The following PKM variants were observed in gnomAD, a reference collection of about 807,000 sequenced individuals.
The protein encoded by PKM is pyruvate kinase M1/2.
PKM carries 18 observed loss-of-function variants against 49.8 expected under a neutral mutation model. The ratio of observed to expected loss-of-function variants is 0.36; its 90% CI spans 0.25 to 0.54. The LOEUF (loss-of-function observed/expected upper bound fraction) is 0.54, where lower values mean the gene tolerates loss of function less well. Ranked by LOEUF, PKM falls within the 20% of genes least tolerant of loss-of-function variation. PKM has a pLI of 0.89. For missense variants in PKM, 508 were observed against 713.8 expected, an observed-to-expected ratio of 0.71 and a Z score of 3.28; for synonymous variants, 239 against 261.8, an observed-to-expected ratio of 0.91 and a Z score of 0.84.
In PKM at chr15:72,199,111, G is replaced by T. The variant is rs2081862029; in HGVS notation, c.*539C>A. On this transcript the variant is annotated 3_prime_UTR_variant, in exon 11 of 11. Transcript: ENST00000335181. The stretch of plus-strand genomic sequence containing the variant: ...GGTGCTGCAGTAGTGGGGGAAAATG[G>T]AAGGTGGAGGGTGGAGTGTTTGCTG... 3.5e-6 allele frequency: 1 copy of T among 285,902 alleles called. No homozygotes were observed. Among genetic ancestry groups the T allele is most frequent in the African/African-American group, 2.2e-5 (1 of 45,060 alleles). 17.7% of individuals were successfully genotyped at this position (285,902 alleles called of 1,614,324 possible). A position where few individuals can be genotyped will look rare whatever the true frequency, so the allele number is the denominator to read the frequency against.
rs879255367 is a variant in PKM at position 72,208,664 on chromosome 15, T to C, written c.793A>G (p.Ile265Val). The C allele has an allele frequency of 1.2e-6, 2 of 1,614,140 alleles. No homozygotes were observed. Among genetic ancestry groups the C allele is most frequent in the Non-Finnish European group, 8.5e-7 (1 of 1,180,020 alleles). The change falls in exon 6 of 11, where the codon ATC (isoleucine) becomes GTC (valine). Residue 265 changes from isoleucine (I) to valine (V), a missense_variant. Ile to Val is a conservative substitution (Grantham distance 29). Coordinates refer to ENST00000335181, the MANE Select transcript of PKM (RefSeq NM_002654.6). ...TTCTCGATTTTGCTGATAATCTTGA[T>C]GTTCTTTCCCTTCTCTCCCAGGACC... ...RKVLGEKGKN[I>V]KIISKIENHE...
chr15:72,221,196 T>G (rs2140765098), intron 1 of PKM: 1 of 1,535,130 alleles, frequency 6.5e-7, no homozygotes, highest in Non-Finnish European at 8.7e-7. Flanking sequence ...GGGCTTCCGG[T>G]GACATAATGC....
intron 1 of PKM, chr15:72,228,594 C>G (rs907518233): frequency 7.9e-7 from 1 of 1,265,394 alleles, no homozygotes; most frequent in Middle Eastern, 2.1e-4. Context: ...AGATAATTCT[C>G]TCAAAAGCAG....
chr15:72,210,122 T>G, intron 4 of PKM: 1 of 648,316 alleles, frequency 1.5e-6, no homozygotes, highest in Non-Finnish European at 2.6e-6. Context: ...AAAGTTTAGG[T>G]TTTTAGGGTA....
At chr15:72,221,320 A>G (rs1274372034) in intron 1 of PKM, 1 of 1,316,986 alleles carries the variant, frequency 7.6e-7, no homozygotes, top group Non-Finnish European at 1.0e-6. Context: ...GAGTGTAACT[A>G]AAGCTCTTTG....
chr15:72,222,904 C>T (rs2082562550), intron 1 of PKM, among the ~76,000 whole-genome samples: 1 of 152,050 alleles, frequency 6.6e-6, no homozygotes, highest in South Asian at 2.1e-4. Flanking sequence ...TCAGACAGCT[C>T]CTGGCTTTTT....
intron 8 of PKM, chr15:72,206,152 C>CA (rs1261723795): frequency 6.4e-6 from 1 of 157,140 alleles, no homozygotes; most frequent in Non-Finnish European, 1.4e-5. Flanking sequence ...AATGGCACAG[C>CA]AAAGCAAATC....
At chr15:72,212,318 T>C (rs952282961) in intron 3 of PKM, among the ~76,000 whole-genome samples, 2 of 151,852 alleles carry the variant, frequency 1.3e-5, no homozygotes, top group African/African-American at 4.8e-5. Context: ...CAACTTAAAA[T>C]ACAAAAATTA....
intron 1 of PKM, chr15:72,219,322 G>A: frequency 1.9e-6 from 1 of 533,414 alleles, no homozygotes; most frequent in East Asian, 3.1e-5. Flanking sequence ...GGACCTTACT[G>A]AACAAGTTAA....
chr15:72,207,459 T>C (rs1018404795), intron 6 of PKM, among the ~76,000 whole-genome samples, 182 bp from the exon 7 acceptor site: 1 of 152,030 alleles, frequency 6.6e-6, no homozygotes, highest in Non-Finnish European at 1.5e-5. Context: ...GCCCCCAGAG[T>C]GGGCCAACAA....
chr15:72,218,850 C>T lies in PKM; in HGVS notation c.154+94G>A, dbSNP rs1006576106. ...AATCTGTGTAGTATCCCATGTAGCA[C>T]CTAGGTTTGTTAGGACATTTAGTTA... On this transcript the variant is annotated intron_variant, in intron 2 of 10. Transcript: ENST00000335181. The T allele has an allele frequency of 9.2e-6, 12 of 1,297,844 alleles. No homozygotes were observed. In the Admixed American group the frequency reaches 1.5e-4, roughly 16 times the overall value. The allele number at this position is 1,297,844 out of a possible 1,614,324, so 80.4% of individuals were successfully genotyped here. A position where few individuals can be genotyped will look rare whatever the true frequency, so the allele number is the denominator to read the frequency against.
At chr15:72,219,309 A>G (rs555730719) in intron 1 of PKM, 199 bp from the exon 2 acceptor site, 1 of 562,220 alleles carries the variant, frequency 1.8e-6, no homozygotes, top group South Asian at 2.2e-5. Flanking sequence ...TGAACAATGG[A>G]AAGGACCTTA....
intron 1 of PKM, 62 bp downstream of exon 1, chr15:72,231,054 C>A: frequency 1.1e-6 from 1 of 875,146 alleles, no homozygotes; most frequent in Non-Finnish European, 1.6e-6. Flanking sequence ...GCCGGGATTC[C>A]GCACTAGCCG....
chr15:72,202,134 CTT>C lies in PKM; in HGVS notation c.1307+318_1307+319del. On this transcript the variant is annotated intron_variant, in intron 9 of 10. Transcript: ENST00000335181. The surrounding 1 kb of genome is among the most constrained non-coding windows in gnomAD (Gnocchi z 4.5). ...AACTGGAATAAGCAAAAGTGGTTAT[CTT>C]TTACAATTTTAGAGGACTAAATTTT... 1 of 389,152 alleles carries C rather than the reference CTT, an allele frequency of 2.6e-6. No individual in the cohort carries two copies. The highest frequency in any genetic ancestry group is 2.0e-5 in the African/African-American group (1 of 49,240). 24.1% of individuals were successfully genotyped at this position (389,152 alleles called of 1,614,324 possible). A position where few individuals can be genotyped will look rare whatever the true frequency, so the allele number is the denominator to read the frequency against.
intron 4 of PKM, 143 bp from the exon 5 acceptor site, chr15:72,210,002 T>G (rs1260806705): frequency 1.3e-6 from 1 of 747,606 alleles, no homozygotes; most frequent in Non-Finnish European, 2.4e-6. Flanking sequence ...TCTTATTCTC[T>G]AACTCTGTAT....
chr15:72,218,586 ATT>A (rs11356526), intron 2 of PKM, among the ~76,000 whole-genome samples: 73 of 135,498 alleles, frequency 5.4e-4, no homozygotes, highest in Middle Eastern at 4.0e-3. Context: ...TGCCCAGCTA[ATT>A]TTTTTTTTTT....
chr15:72,218,697 G>A (rs1446304077), intron 2 of PKM, among the ~76,000 whole-genome samples: 1 of 151,756 alleles, frequency 6.6e-6, no homozygotes, highest in Non-Finnish European at 1.5e-5. Flanking sequence ...CAAAGTGCTG[G>A]GAGCCACCAT....
chr15:72,231,014 C>T (rs1458860295), intron 1 of PKM, 102 bp downstream of exon 1: 2 of 1,238,364 alleles, frequency 1.6e-6, no homozygotes, highest in East Asian at 1.1e-4. Flanking sequence ...CCTGCGCCGC[C>T]CTGCCTGCGT....
At chr15:72,210,110 C>G (rs2082211147) in intron 4 of PKM, 2 of 630,978 alleles carry the variant, frequency 3.2e-6, no homozygotes, top group Non-Finnish European at 5.5e-6. Context: ...GTTAGAAAGC[C>G]TAAAGTTTAG....
Sources: allele counts gnomAD v4.1 joint callset (sites outside exome capture counted in the v4.1 genomes callset), GRCh38; gene constraint gnomAD v4.1.1; non-coding constraint Gnocchi (gnomAD v3.1); transcripts MANE v1.5; gene names NCBI Gene and HGNC (gene_info 2026-07-23, HGNC 2026-07-21).